The following RBFOX1 variants were observed in gnomAD, a reference collection of about 807,000 sequenced individuals.
RBFOX1 encodes the protein RNA binding protein fox-1 homolog 1.
RBFOX1 carries 8 observed loss-of-function variants against 57.7 expected under a neutral mutation model. That is an observed-to-expected ratio of 0.14 (90% CI 0.08 to 0.25). The LOEUF (loss-of-function observed/expected upper bound fraction) is 0.25. Ranked by LOEUF, RBFOX1 falls within the 10% of genes least tolerant of loss-of-function variation. RBFOX1 has a pLI of 1.00. For missense variants in RBFOX1, 611 were observed against 548.5 expected (o/e 1.11, Z -1.14); for synonymous variants, 326 against 222.4 (o/e 1.47, Z -4.15).
intron 2 of RBFOX1, among the ~76,000 whole-genome samples, chr16:6,607,351 T>C (rs910823015): frequency 6.6e-6 from 1 of 152,172 alleles, no homozygotes; most frequent in Non-Finnish European, 1.5e-5. Context: ...ATTCATTTAA[T>C]ATAAATGTTA....
intron 1 of RBFOX1, among the ~76,000 whole-genome samples, chr16:6,107,763 G>T (rs1400948259): frequency 6.6e-6 from 1 of 151,538 alleles, no homozygotes; most frequent in Non-Finnish European, 1.5e-5. Context: ...GTGTTTGGAT[G>T]GGTGGGTGGA....
intron 4 of RBFOX1, among the ~76,000 whole-genome samples, chr16:7,475,341 G>A (rs1023775566): frequency 1.4e-5 from 2 of 144,654 alleles, no homozygotes; most frequent in African/African-American, 5.2e-5. Context: ...TCTAGATGGA[G>A]TCTCGCTCTG....
intron 4 of RBFOX1, among the ~76,000 whole-genome samples, chr16:7,263,921 A>T (rs1279355983): frequency 2.5e-4 from 15 of 60,780 alleles, no homozygotes; most frequent in East Asian, 9.2e-4. Flanking sequence ...TATATAAATT[A>T]AAAAAAAAAA....
chr16:7,574,327 A>G (rs2093094954), intron 5 of RBFOX1, among the ~76,000 whole-genome samples: 1 of 152,252 alleles, frequency 6.6e-6, no homozygotes, highest in South Asian at 2.1e-4. Flanking sequence ...GAAAGAACTA[A>G]TAAAATAGAT....
chr16:5,344,621 G>C (rs11076913), intron 1 of RBFOX1, among the ~76,000 whole-genome samples: 121,021 of 152,126 alleles, frequency 0.8, 54,095 homozygotes, highest in East Asian at 1. Context: ...CCGGCTGTGA[G>C]GACATCCTGA....
chr16:7,315,408 A>G (rs1027203821), intron 4 of RBFOX1, among the ~76,000 whole-genome samples: 7 of 151,834 alleles, frequency 4.6e-5, no homozygotes, highest in Admixed American at 1.3e-4. Context: ...AAGTGAATAC[A>G]TGAAGGAATA....
intron 3 of RBFOX1, among the ~76,000 whole-genome samples, chr16:6,800,906 C>G (rs772529522): frequency 5.3e-5 from 8 of 152,092 alleles, no homozygotes; most frequent in Admixed American, 1.3e-4. Context: ...AAGTGGAAAT[C>G]TGGAAACTAG....
chr16:6,930,288 A>G (rs2076290327), intron 3 of RBFOX1, among the ~76,000 whole-genome samples: 1 of 152,206 alleles, frequency 6.6e-6, no homozygotes, highest in African/African-American at 2.4e-5. Flanking sequence ...CGTGTCTCCA[A>G]AAGATATATA....
chr16:6,188,102 G>C (rs55661662), intron 1 of RBFOX1, among the ~76,000 whole-genome samples: 40,407 of 152,072 alleles, frequency 0.27, 6,566 homozygotes, highest in Middle Eastern at 0.41. Flanking sequence ...TATACAAAAA[G>C]TTTTCCCTCT....
chr16:6,321,506 G>C (rs963657515), intron 2 of RBFOX1, among the ~76,000 whole-genome samples: 20 of 152,166 alleles, frequency 1.3e-4, no homozygotes, highest in African/African-American at 4.8e-4. Flanking sequence ...AGAACTAAAG[G>C]TTTAATGGTC....
chr16:5,569,347 C>A (rs1378308787), intron 2 of RBFOX1, among the ~76,000 whole-genome samples: 6 of 150,820 alleles, frequency 4.0e-5, no homozygotes, highest in Non-Finnish European at 8.8e-5. Context: ...CAAATCACTT[C>A]CACTGGCTAA....
In RBFOX1 at chr16:7,676,782, T is replaced by C. The variant is rs1022794718; in HGVS notation, c.939T>C (p.Tyr313=). The stretch of plus-strand genomic sequence containing the variant: ...TTCTCCTTGTGTTTTAGGGTGGTTA[T>C]GCTGCATACCGCTACGCCCAGCCTA... ...GFYGADIYGG[Y]AAYRYAQPTP... The change falls in exon 14 of 16, where the codon TAT becomes TAC. Residue 313 remains tyrosine, a synonymous_variant. Coordinates refer to ENST00000550418, the MANE Select transcript of RBFOX1 (RefSeq NM_018723.4). 2.5e-6 allele frequency: 4 copies of C among 1,613,026 alleles called. No homozygotes were observed. In the Admixed American group the frequency reaches 5.0e-5, roughly 20 times the overall value.
intron 4 of RBFOX1, among the ~76,000 whole-genome samples, chr16:7,250,305 C>T (rs1312465137): frequency 6.6e-6 from 1 of 151,902 alleles, no homozygotes; most frequent in African/African-American, 2.4e-5. Context: ...TTTTGCTGTT[C>T]CTGGGAGCGT....
chr16:6,663,164 G>T (rs1048078201), intron 3 of RBFOX1, among the ~76,000 whole-genome samples: 24 of 152,292 alleles, frequency 1.6e-4, no homozygotes, highest in African/African-American at 5.5e-4. Flanking sequence ...AGGAGATGGG[G>T]AGGAGGAAGG....
intron 1 of RBFOX1, among the ~76,000 whole-genome samples, chr16:6,245,619 T>G (rs1348676985): frequency 6.6e-6 from 1 of 152,216 alleles, no homozygotes; most frequent in Non-Finnish European, 1.5e-5. Context: ...ACCTTCTGTG[T>G]GCTAGAGTAG....
intron 3 of RBFOX1, among the ~76,000 whole-genome samples, chr16:6,663,941 C>G (rs2098716582): frequency 6.6e-6 from 1 of 152,184 alleles, no homozygotes; most frequent in Non-Finnish European, 1.5e-5. Flanking sequence ...AGAGATAAAG[C>G]TCAAAGCAGG....
intron 4 of RBFOX1, among the ~76,000 whole-genome samples, chr16:5,975,231 G>A (rs181153341): frequency 1.3e-5 from 2 of 152,182 alleles, no homozygotes; most frequent in Admixed American, 1.3e-4. Flanking sequence ...CTGATAAATC[G>A]ATCTCTACTT....
At chr16:6,684,736 T>A (rs1389800178) in intron 3 of RBFOX1, among the ~76,000 whole-genome samples, 1 of 152,216 alleles carries the variant, frequency 6.6e-6, no homozygotes, top group African/African-American at 2.4e-5. Flanking sequence ...TAGCCCCCTG[T>A]CGTGAATGAC....
chr16:6,848,255 C>T (rs1006426577), intron 3 of RBFOX1, among the ~76,000 whole-genome samples: 1 of 152,132 alleles, frequency 6.6e-6, no homozygotes, highest in African/African-American at 2.4e-5. Flanking sequence ...GGAGTCACTT[C>T]ACAGCTGCAG....
Sources: allele counts gnomAD v4.1 joint callset (sites outside exome capture counted in the v4.1 genomes callset), GRCh38; gene constraint gnomAD v4.1.1; transcripts MANE v1.5; gene names NCBI Gene and HGNC (gene_info 2026-07-23, HGNC 2026-07-21).